OGDH: variants seen among roughly 807,000 people sequenced by gnomAD.
The protein encoded by OGDH is oxoglutarate dehydrogenase, also known as 2-oxoglutarate dehydrogenase complex component E1.
In OGDH, 38 loss-of-function variants were observed where a neutral mutation model predicts 116.6. The observed-to-expected ratio is 0.33, with a 90% CI of 0.25 to 0.43. The LOEUF is 0.43. Ranked by LOEUF, OGDH falls within the 20% of genes least tolerant of loss-of-function variation. OGDH has a pLI of 1.00. For synonymous variants in OGDH, 488 were observed against 533.3 expected, an observed-to-expected ratio of 0.92 and a Z score of 1.17; for missense variants, 825 against 1,357.2, an observed-to-expected ratio of 0.61 and a Z score of 6.16.
chr7:44,613,657 C>G (rs1784654461), intron 1 of OGDH, among the ~76,000 whole-genome samples: 1 of 151,880 alleles, frequency 6.6e-6, no homozygotes, highest in African/African-American at 2.4e-5. Context: ...CCACGCCCGG[C>G]TATAATTTTT....
chr7:44,708,096 A>C lies in OGDH; in HGVS notation c.*97A>C. 1.4e-6 allele frequency: 2 copies of C among 1,467,806 alleles called. No homozygotes were observed. The highest frequency in any genetic ancestry group is 9.1e-7 in the Non-Finnish European group (1 of 1,093,060). 90.9% of individuals were successfully genotyped at this position (1,467,806 alleles called of 1,614,324 possible). ...ATAGTGCCTCAGCGCTGCCCACACC[A>C]CCGCCCTCCTCGCTGTGCCACCACC... On this transcript the variant is annotated 3_prime_UTR_variant, in exon 23 of 23. Transcript: ENST00000222673.
Position 44,697,556 on chromosome 7 carries a change from C to G in OGDH, c.2180-48C>G, listed in dbSNP as rs572033883. The G allele has an allele frequency of 2.2e-5, 35 of 1,613,746 alleles. No individual in the cohort carries two copies. In the South Asian group the frequency reaches 3.6e-4, roughly 17 times the overall value. ...CACCCACCCACCCCCGCTGGGCCTA[C>G]TGGCTGGTGTCCTGGACATGGTTTT... On this transcript the variant is annotated intron_variant, in intron 16 of 22. Coordinates refer to ENST00000222673, the MANE Select transcript of OGDH (RefSeq NM_002541.4). This position sits in a 1 kb window ranked among gnomAD's most constrained non-coding sequence, Gnocchi z 6.0.
At chr7:44,691,570 T>C (rs1363361977) in intron 10 of OGDH, among the ~76,000 whole-genome samples, 5 of 151,842 alleles carry the variant, frequency 3.3e-5, no homozygotes, top group Admixed American at 2.6e-4. Context: ...AAAACCATAT[T>C]TGCGCTACCA....
intron 1 of OGDH, among the ~76,000 whole-genome samples, chr7:44,618,958 C>G (rs1413779615): frequency 1.3e-5 from 2 of 152,216 alleles, no homozygotes; most frequent in Non-Finnish European, 1.5e-5. Context: ...AGATCATACC[C>G]TTTTTGCCTG....
chr7:44,625,580 C>T (rs187450037), intron 2 of OGDH, among the ~76,000 whole-genome samples: 13 of 152,300 alleles, frequency 8.5e-5, no homozygotes, highest in Admixed American at 3.9e-4. Flanking sequence ...TAGGTCCCAG[C>T]GTTTCTAAGC....
chr7:44,685,858 A>G (rs545851075), intron 10 of OGDH, among the ~76,000 whole-genome samples: 8 of 152,048 alleles, frequency 5.3e-5, no homozygotes, highest in African/African-American at 1.9e-4. Flanking sequence ...TCCTGGGCTC[A>G]AGCAGTCCCT....
chr7:44,686,015 A>G (rs1032994339), intron 10 of OGDH, among the ~76,000 whole-genome samples: 1 of 151,680 alleles, frequency 6.6e-6, no homozygotes, highest in South Asian at 2.1e-4. Flanking sequence ...CTTTTTGAGT[A>G]ACTGCTTATT....
chr7:44,624,606 G>A lies in OGDH; in HGVS notation c.222+41G>A, dbSNP rs372362915. The A allele has an allele frequency of 6.9e-4, 1,076 of 1,565,854 alleles. 4 individuals are homozygous for A. The highest frequency in any genetic ancestry group is 7.0e-4 in the Non-Finnish European group (793 of 1,137,814). ...CTGTGGGTCTGCCTCATGTTGGTGT[G>A]TTGGCCTGTTCCTGACTGGTCACCA... On this transcript the variant is annotated intron_variant, in intron 2 of 22. Coordinates refer to ENST00000222673, the MANE Select transcript of OGDH (RefSeq NM_002541.4).
At chr7:44,624,696 C>T (rs1029021439) in intron 2 of OGDH, 131 bp downstream of exon 2, 19 of 762,470 alleles carry the variant, frequency 2.5e-5, no homozygotes, top group South Asian at 4.6e-5. Flanking sequence ...TACCAACCAC[C>T]GTATCTGTAT....
chr7:44,679,813 C>CACTTA lies in OGDH; in HGVS notation c.1207-1906_1207-1905insCTTAA, dbSNP rs528384456. On this transcript the variant is annotated intron_variant, in intron 9 of 22. Transcript: ENST00000222673. ...CCCAGAAAAGAAGGAATTCTGCCTC[C>CACTTA]AGACAGCCTTCACACTTAAGCTGCA... Among the ~76,000 whole-genome samples, 411 of 152,308 alleles carry CACTTA rather than the reference C, an allele frequency of 2.7e-3. 2 individuals are homozygous for CACTTA. The highest frequency in any genetic ancestry group is 9.6e-3 in the African/African-American group (399 of 41,564).
intron 10 of OGDH, among the ~76,000 whole-genome samples, chr7:44,686,217 T>C (rs1267281389): frequency 6.6e-6 from 1 of 152,224 alleles, no homozygotes; most frequent in African/African-American, 2.4e-5. Flanking sequence ...CGGACATCCT[T>C]TTCTTGTTTC....
At chr7:44,626,052 CTT>C (rs1309660151) in intron 2 of OGDH, among the ~76,000 whole-genome samples, 2 of 152,156 alleles carry the variant, frequency 1.3e-5, no homozygotes, top group Non-Finnish European at 2.9e-5. Context: ...AGGAATGCCA[CTT>C]TGTCTCAGCC....
rs1011134860 is a variant in OGDH, at chr7:44,693,334, G to T, written c.1336-491G>T. On this transcript the variant is annotated intron_variant, in intron 10 of 22. Transcript: ENST00000222673. ...AAAAAAAAAAAAATTCTTAGGCTGG[G>T]CACAGTGCCTCACTCCTATAATAAC... 6.6e-5 allele frequency among the ~76,000 whole-genome samples: 10 copies of T among 152,002 alleles called. No homozygotes were observed. The East Asian group carries it at 1.9e-3, about 29-fold the overall frequency.
At chr7:44,664,973 G>C (rs1358942543) in intron 4 of OGDH, among the ~76,000 whole-genome samples, 2 of 152,160 alleles carry the variant, frequency 1.3e-5, no homozygotes, top group African/African-American at 2.4e-5. Flanking sequence ...GCGCTTATCT[G>C]GGGGCATACA....
intron 1 of OGDH, among the ~76,000 whole-genome samples, chr7:44,611,958 A>G (rs1331508954): frequency 1.3e-5 from 2 of 152,134 alleles, no homozygotes; most frequent in Non-Finnish European, 2.9e-5. Flanking sequence ...TCTGGGGTAC[A>G]TGTGCACAAC....
chr7:44,686,245 T>G (rs1330615139), intron 10 of OGDH, among the ~76,000 whole-genome samples: 4 of 152,008 alleles, frequency 2.6e-5, no homozygotes, highest in African/African-American at 9.7e-5. Flanking sequence ...TGGAAGAAAG[T>G]GTTTAGTATT....
intron 10 of OGDH, among the ~76,000 whole-genome samples, chr7:44,685,269 C>T (rs1342631035): frequency 6.6e-6 from 1 of 152,126 alleles, no homozygotes; most frequent in East Asian, 1.9e-4. Context: ...ACTCCGAGTC[C>T]TTGCTTCCCT....
At chr7:44,628,021 A>G (rs573640096) in intron 2 of OGDH, among the ~76,000 whole-genome samples, 3 of 152,270 alleles carry the variant, frequency 2.0e-5, no homozygotes, top group African/African-American at 4.8e-5. Context: ...TTCCAAGCAT[A>G]CATAACAGTA....
Position 44,697,280 on chromosome 7 carries a change from A to G in OGDH, c.2052-90A>G, listed in dbSNP as rs1788628395. On this transcript the variant is annotated intron_variant, in intron 15 of 22. Coordinates refer to ENST00000222673, the MANE Select transcript of OGDH (RefSeq NM_002541.4). This position sits in a 1 kb window ranked among gnomAD's most constrained non-coding sequence, Gnocchi z 6.0. The stretch of plus-strand genomic sequence containing the variant: ...TGGCCAGAAGTCCAGGTCACAGAGC[A>G]TGGCATCTGCTGGTGCTTCGTGCGG... 1.9e-6 allele frequency: 3 copies of G among 1,560,838 alleles called. No homozygotes were observed. The highest frequency in any genetic ancestry group is 2.7e-5 in the African/African-American group (2 of 74,252).
Sources: allele counts gnomAD v4.1 joint callset (sites outside exome capture counted in the v4.1 genomes callset), GRCh38; gene constraint gnomAD v4.1.1; non-coding constraint Gnocchi (gnomAD v3.1); transcripts MANE v1.5; gene names NCBI Gene and HGNC (gene_info 2026-07-23, HGNC 2026-07-21).